Variants in MPDZ observed in about 807,000 individuals in gnomAD.
MPDZ encodes the protein multiple PDZ domain crumbs cell polarity complex component.
MPDZ carries 234 observed loss-of-function variants against 239.1 expected under a neutral mutation model. That is an observed-to-expected ratio of 0.98 (90% CI 0.88 to 1.09). MPDZ has a LOEUF of 1.09. Ranked by LOEUF, MPDZ falls within the 50% of genes least tolerant of loss-of-function variation. The pLI, the probability that MPDZ is intolerant of heterozygous loss-of-function variation, is 0.00. For synonymous variants in MPDZ, 1,048 were observed against 881.3 expected (o/e 1.19, Z -3.35); for missense variants, 3,175 against 2,510.0 (o/e 1.26, Z -5.66).
chr9:13,147,891 A>G (rs1157176884), intron 25 of MPDZ, among the ~76,000 whole-genome samples: 3 of 152,028 alleles, frequency 2.0e-5, no homozygotes, highest in African/African-American at 7.2e-5. Flanking sequence ...GACATAATCA[A>G]TTGAAATGAA....
At chr9:13,273,188 T>G (rs1973406445) in intron 1 of MPDZ, among the ~76,000 whole-genome samples, 1 of 152,184 alleles carries the variant, frequency 6.6e-6, no homozygotes, top group African/African-American at 2.4e-5. Context: ...AAATGTATGT[T>G]TATAAGGGAC....
chr9:13,180,688 A>G (rs1305502339), intron 19 of MPDZ, among the ~76,000 whole-genome samples: 2 of 152,212 alleles, frequency 1.3e-5, no homozygotes, highest in Non-Finnish European at 2.9e-5. Flanking sequence ...AATCAAACAT[A>G]AAATAATAAG....
At position 13,162,340 on chromosome 9, in the gene MPDZ, T is replaced by A. The variant is rs572518023; in HGVS notation, c.3359+351A>T. On this transcript the variant is annotated intron_variant, in intron 23 of 46. Coordinates refer to ENST00000319217, the MANE Select transcript of MPDZ (RefSeq NM_001378778.1). The stretch of plus-strand genomic sequence containing the variant: ...AATAAATAACATTTCTGAAGAAGTT[T>A]GCTAATATTAAAAGAGTAAAAAAAT... 5.7e-3 allele frequency among the ~76,000 whole-genome samples: 868 copies of A among 152,070 alleles called. 11 individuals carry two copies. Among genetic ancestry groups the A allele is most frequent in the African/African-American group, 0.02 (832 of 41,542 alleles).
At chr9:13,239,317 C>T (rs976999040) in intron 3 of MPDZ, among the ~76,000 whole-genome samples, 2 of 152,112 alleles carry the variant, frequency 1.3e-5, no homozygotes, top group Admixed American at 1.3e-4. Flanking sequence ...AAGATCTAGG[C>T]TCTGGAGTCC....
chr9:13,271,918 T>C (rs1313804785), intron 1 of MPDZ, among the ~76,000 whole-genome samples: 2 of 152,094 alleles, frequency 1.3e-5, no homozygotes, highest in Non-Finnish European at 2.9e-5. Context: ...TCCATGTATT[T>C]AAAGCTCTAG....
At chr9:13,168,227 G>C (rs1951323083) in intron 22 of MPDZ, 139 bp downstream of exon 22, 4 of 773,026 alleles carry the variant, frequency 5.2e-6, no homozygotes, top group Non-Finnish European at 8.3e-6. Context: ...CTCAAAAATA[G>C]TCAATTTCTT....
rs370979077 is a variant in MPDZ, at chr9:13,136,323, TTC to T, written c.4293-143_4293-142del. On this transcript the variant is annotated intron_variant, in intron 30 of 46. Coordinates refer to ENST00000319217, the MANE Select transcript of MPDZ (RefSeq NM_001378778.1). ...TGACACTTACAAATTTACAAACGTTTTCTTTTTTTTTTTTTTTTTTTTTTTTG... is the reference window on the plus strand; with the variant it reads ...TGACACTTACAAATTTACAAACGTTTTTTTTTTTTTTTTTTTTTTTTTTTG... 1,662 of 431,940 alleles carry T rather than the reference TTC, an allele frequency of 3.8e-3. 86 individuals carry two copies. The highest frequency in any genetic ancestry group is 0.023 in the Admixed American group (493 of 21,136). 26.8% of individuals were successfully genotyped at this position (431,940 alleles called of 1,614,324 possible).
chr9:13,212,972 TAAAG>T (rs1350640805), intron 10 of MPDZ, among the ~76,000 whole-genome samples: 1 of 151,908 alleles, frequency 6.6e-6, no homozygotes, highest in African/African-American at 2.4e-5. Context: ...CCTATACGTA[TAAAG>T]AGAGAACTTC....
At chr9:13,227,532 A>C (rs1361999104) in intron 3 of MPDZ, among the ~76,000 whole-genome samples, 4 of 152,080 alleles carry the variant, frequency 2.6e-5, no homozygotes, top group Non-Finnish European at 5.9e-5. Flanking sequence ...ATAGGAAAAA[A>C]TATTTGGACT....
intron 19 of MPDZ, among the ~76,000 whole-genome samples, chr9:13,182,135 C>T (rs12335586): frequency 0.086 from 13,157 of 152,106 alleles, 1,033 homozygotes; most frequent in African/African-American, 0.22. Context: ...GCTAGACCTA[C>T]GGAAATTCTA....
chr9:13,236,718 G>A (rs181640077), intron 3 of MPDZ, among the ~76,000 whole-genome samples: 6 of 151,376 alleles, frequency 4.0e-5, no homozygotes, highest in Admixed American at 2.6e-4. Context: ...ATGAACACTC[G>A]AATAAAGATT....
intron 39 of MPDZ, among the ~76,000 whole-genome samples, chr9:13,119,296 G>T (rs1045515021): frequency 6.6e-6 from 1 of 152,032 alleles, no homozygotes; most frequent in Non-Finnish European, 1.5e-5. Flanking sequence ...TGTTGCCAAG[G>T]CTGGTCTCGA....
chr9:13,179,913 G>A (rs765860919), intron 19 of MPDZ, among the ~76,000 whole-genome samples: 2 of 152,032 alleles, frequency 1.3e-5, no homozygotes, highest in Non-Finnish European at 2.9e-5. Flanking sequence ...CAGTCTACCA[G>A]AGGATCCTTA....
chr9:13,137,953 T>G lies in MPDZ; in HGVS notation c.4200+4A>C, dbSNP rs1204000736. 1 of 1,613,460 alleles carries G rather than the reference T, an allele frequency of 6.2e-7. No homozygotes were observed. Among genetic ancestry groups the G allele is most frequent in the East Asian group, 2.2e-5 (1 of 44,808 alleles). ...TAAATTCAAAATTTTCCACAAAAAC[T>G]TACCTCTAGAAGCTCATCTGCAATT... On this transcript the variant is annotated splice_donor_region_variant and intron_variant, in intron 29 of 46. Coordinates refer to ENST00000319217, the MANE Select transcript of MPDZ (RefSeq NM_001378778.1).
At chr9:13,160,257 A>C (rs1950304701) in intron 23 of MPDZ, among the ~76,000 whole-genome samples, 1 of 152,180 alleles carries the variant, frequency 6.6e-6, no homozygotes, top group South Asian at 2.1e-4. Context: ...CTCTGGCATT[A>C]ATTAGCTGCA....
chr9:13,253,362 G>A (rs1241034283), intron 1 of MPDZ, among the ~76,000 whole-genome samples: 1 of 151,966 alleles, frequency 6.6e-6, no homozygotes, highest in Admixed American at 6.6e-5. Context: ...AGATTTTTCA[G>A]GGGATTTCAC....
At chr9:13,205,885 C>G (rs1956929126) in intron 11 of MPDZ, 31 bp downstream of exon 11, 1 of 1,519,916 alleles carries the variant, frequency 6.6e-7, no homozygotes, top group Admixed American at 2.2e-5. Flanking sequence ...ATATAAAGGT[C>G]TAACTAAAAA....
intron 3 of MPDZ, among the ~76,000 whole-genome samples, chr9:13,226,696 C>T (rs1960726981): frequency 6.6e-6 from 1 of 152,126 alleles, no homozygotes; most frequent in Non-Finnish European, 1.5e-5. Flanking sequence ...ACCTGATCCA[C>T]ACCCTGCTGT....
At chr9:13,200,955 GT>G (rs1230220034) in intron 12 of MPDZ, among the ~76,000 whole-genome samples, 2 of 151,940 alleles carry the variant, frequency 1.3e-5, no homozygotes, top group Non-Finnish European at 2.9e-5. Flanking sequence ...TCTCACTGAT[GT>G]TTTACTGTTG....
Sources: gnomAD v4.1 joint callset for allele counts (sites outside exome capture counted in the v4.1 genomes callset) on GRCh38, gnomAD v4.1.1 for gene constraint, MANE v1.5 for transcripts, NCBI Gene and HGNC (gene_info 2026-07-23, HGNC 2026-07-21) for gene names.